The following OPCML variants were observed in gnomAD, a reference collection of about 807,000 sequenced individuals.
OPCML encodes opioid-binding protein/cell adhesion molecule.
Under a neutral mutation model 37.8 loss-of-function variants are expected in OPCML, and 13 were observed. The ratio of observed to expected loss-of-function variants is 0.34; its 90% CI spans 0.22 to 0.55. The LOEUF (loss-of-function observed/expected upper bound fraction) is 0.55, where lower values mean the gene tolerates loss of function less well. OPCML is among the 20% of genes least tolerant of loss of function. The pLI, the probability that OPCML is intolerant of heterozygous loss-of-function variation, is 0.91. For missense variants in OPCML, 341 were observed against 435.6 expected, an observed-to-expected ratio of 0.78 and a Z score of 1.93; for synonymous variants, 176 against 168.8, an observed-to-expected ratio of 1.04 and a Z score of -0.33.
chr11:133,143,741 A>C (rs1205242890), intron 1 of OPCML, among the ~76,000 whole-genome samples: 1 of 152,142 alleles, frequency 6.6e-6, no homozygotes, highest in Non-Finnish European at 1.5e-5. Flanking sequence ...GCCTGCCTTA[A>C]CCTCTCAACT....
At chr11:133,200,426 G>T (rs1370424861) in intron 1 of OPCML, among the ~76,000 whole-genome samples, 1 of 152,122 alleles carries the variant, frequency 6.6e-6, no homozygotes, top group Non-Finnish European at 1.5e-5. Flanking sequence ...TAAAAAGATT[G>T]GAAACATGCC....
At chr11:132,659,915 T>C (rs912275137) in intron 2 of OPCML, among the ~76,000 whole-genome samples, 1 of 152,214 alleles carries the variant, frequency 6.6e-6, no homozygotes, top group Non-Finnish European at 1.5e-5. Context: ...AGGTCTTTTA[T>C]TGATCACCTA....
chr11:133,141,089 A>AAGAAGAAGG (rs1565469342), intron 1 of OPCML, among the ~76,000 whole-genome samples: 2 of 127,092 alleles, frequency 1.6e-5, no homozygotes, highest in African/African-American at 5.7e-5. Context: ...GAAGAAGAAG[A>AAGAAGAAGG]AGAAGGAGAA....
chr11:133,234,163 A>G (rs1940410382), intron 1 of OPCML, among the ~76,000 whole-genome samples: 1 of 152,008 alleles, frequency 6.6e-6, no homozygotes, highest in African/African-American at 2.4e-5. Context: ...GAAACTTATA[A>G]TTGCTTCCCA....
chr11:132,604,550 C>A (rs1023456779), intron 3 of OPCML, among the ~76,000 whole-genome samples: 2 of 152,158 alleles, frequency 1.3e-5, no homozygotes, highest in African/African-American at 4.8e-5. Context: ...TAAGTGGAGG[C>A]CAGGCTGCCT....
chr11:132,927,383 G>A (rs547455270), intron 2 of OPCML, among the ~76,000 whole-genome samples: 5 of 152,052 alleles, frequency 3.3e-5, no homozygotes, highest in South Asian at 2.1e-4. Context: ...CCCAGAAGGC[G>A]GTGGATTTTA....
rs1480839552 is a variant in OPCML, at chr11:133,458,603, GTGTGTA to G, written c.61+73655_61+73660del. ...TGTGTACACATATATACACGTGTGTGTGTGTATACACATATATACACGTGTGTGTGT... is the reference window on the plus strand; with the variant it reads ...TGTGTACACATATATACACGTGTGTGTACACATATATACACGTGTGTGTGT... On this transcript the variant is annotated intron_variant, in intron 1 of 7. Coordinates refer to ENST00000524381, the MANE Select transcript of OPCML (RefSeq NM_001012393.5). Among the ~76,000 whole-genome samples, 13 of 117,020 alleles carry G rather than the reference GTGTGTA, an allele frequency of 1.1e-4. 1 individual carries two copies. The highest frequency in any genetic ancestry group is 1.6e-4 in the Non-Finnish European group (10 of 64,410). 76.8% of individuals were successfully genotyped at this position (117,020 alleles called of 152,430 possible). A position where few individuals can be genotyped will look rare whatever the true frequency, so the allele number is the denominator to read the frequency against.
intron 1 of OPCML, among the ~76,000 whole-genome samples, chr11:133,451,072 C>T (rs10894683): frequency 0.27 from 40,118 of 151,222 alleles, 6,773 homozygotes; most frequent in African/African-American, 0.45. Flanking sequence ...ATGTCTCTAA[C>T]GGGGGAAAAG....
intron 4 of OPCML, among the ~76,000 whole-genome samples, chr11:132,495,131 A>G (rs1489468937): frequency 6.6e-6 from 1 of 151,688 alleles, no homozygotes; most frequent in African/African-American, 2.4e-5. Flanking sequence ...GATTATTCTA[A>G]TTCATTTCAT....
In OPCML at chr11:132,495,104, T is replaced by C. The variant is rs553139021; in HGVS notation, c.505+33957A>G. On this transcript the variant is annotated intron_variant, in intron 4 of 7. Coordinates refer to ENST00000524381, the MANE Select transcript of OPCML (RefSeq NM_001012393.5). ...CTCTCTTCTTTGTAGCTTATCTGGA[T>C]ATTCATTTTGCACTTAGATTATTCT... is the stretch of plus-strand genomic sequence containing the variant. 3.3e-5 allele frequency among the ~76,000 whole-genome samples: 5 copies of C among 152,278 alleles called. No individual in the cohort carries two copies. The East Asian group carries it at 7.7e-4, about 23-fold the overall frequency.
At chr11:133,015,419 G>A (rs377569268) in intron 1 of OPCML, among the ~76,000 whole-genome samples, 1 of 89,010 alleles carries the variant, frequency 1.1e-5, no homozygotes, top group Non-Finnish European at 2.3e-5. Context: ...AAGGAAGGAA[G>A]GAAGGAAGGA....
chr11:132,955,876 C>A (rs750509703), intron 1 of OPCML, among the ~76,000 whole-genome samples: 4 of 152,144 alleles, frequency 2.6e-5, no homozygotes, highest in African/African-American at 4.8e-5. Context: ...GAGCAAGACA[C>A]CATCTCAAAA....
At chr11:133,480,031 C>G (rs1947339485) in intron 1 of OPCML, among the ~76,000 whole-genome samples, 1 of 152,188 alleles carries the variant, frequency 6.6e-6, no homozygotes, top group South Asian at 2.1e-4. Context: ...CCTAACTTAA[C>G]CAATTTCTGC....
chr11:133,032,439 C>A (rs1947691866), intron 1 of OPCML, among the ~76,000 whole-genome samples: 1 of 152,064 alleles, frequency 6.6e-6, no homozygotes, highest in South Asian at 2.1e-4. Flanking sequence ...CATGCTCATT[C>A]CCTTTGCAAA....
At chr11:132,725,801 G>C (rs986247816) in intron 2 of OPCML, among the ~76,000 whole-genome samples, 10 of 145,024 alleles carry the variant, frequency 6.9e-5, no homozygotes, top group African/African-American at 2.5e-4. Context: ...AAAAAAGAAA[G>C]AAATTTCTCT....
intron 1 of OPCML, among the ~76,000 whole-genome samples, chr11:133,080,852 G>A (rs1326781356): frequency 6.6e-6 from 1 of 152,030 alleles, no homozygotes; most frequent in Non-Finnish European, 1.5e-5. Context: ...TAGGCCTTCT[G>A]CATGCTGAAG....
intron 1 of OPCML, among the ~76,000 whole-genome samples, chr11:133,314,877 T>A (rs897277128): frequency 6.6e-6 from 1 of 152,228 alleles, no homozygotes; most frequent in Non-Finnish European, 1.5e-5. Context: ...ATAATGTTTG[T>A]TGTCGTGCTG....
rs148656459 is a variant in OPCML, at chr11:132,435,043, C to T, written c.916+1043G>A. ...AACCAAGCCCCTTGAGGTCTATCTACCTCAGAGACATAAATTACAGAGGTG... is the reference window on the plus strand; with the variant it reads ...AACCAAGCCCCTTGAGGTCTATCTATCTCAGAGACATAAATTACAGAGGTG... On this transcript the variant is annotated intron_variant, in intron 7 of 7. Coordinates refer to ENST00000524381, the MANE Select transcript of OPCML (RefSeq NM_001012393.5). The T allele has an allele frequency of 9.1e-4, 476 of 522,022 alleles. 1 individual carries two copies. Among genetic ancestry groups the T allele is most frequent in the African/African-American group, 8.1e-3 (414 of 51,270 alleles). 32.3% of individuals were successfully genotyped at this position (522,022 alleles called of 1,614,324 possible).
intron 3 of OPCML, among the ~76,000 whole-genome samples, chr11:132,537,859 A>G (rs904067475): frequency 3.9e-5 from 6 of 152,188 alleles, no homozygotes; most frequent in African/African-American, 9.6e-5. Context: ...CAAAACCACA[A>G]TGAGATATCA....
Sources: gnomAD v4.1 joint callset for allele counts (sites outside exome capture counted in the v4.1 genomes callset) on GRCh38, gnomAD v4.1.1 for gene constraint, MANE v1.5 for transcripts, NCBI Gene and HGNC (gene_info 2026-07-23, HGNC 2026-07-21) for gene names.